NAALADL2: variants seen among roughly 807,000 people sequenced by gnomAD.
NAALADL2 encodes inactive N-acetylated-alpha-linked acidic dipeptidase-like protein 2.
NAALADL2 carries 76 observed loss-of-function variants against 87.2 expected under a neutral mutation model. That is an observed-to-expected ratio of 0.87 (90% CI 0.72 to 1.05). The LOEUF is 1.05. NAALADL2 is among the 50% of genes least tolerant of loss of function. The pLI is 0.00. For missense variants in NAALADL2, 1,089 were observed against 945.8 expected (o/e 1.15, Z -1.99); for synonymous variants, 354 against 331.0 (o/e 1.07, Z -0.75).
At chr3:175,159,109 C>A (rs149950990) in intron 2 of NAALADL2, among the ~76,000 whole-genome samples, 2 of 151,924 alleles carry the variant, frequency 1.3e-5, no homozygotes, top group Admixed American at 6.6e-5. Context: ...AAATTCAGAT[C>A]GATTCTTTTA....
chr3:175,566,740 GTTCATC>G (rs1273150806), intron 9 of NAALADL2, among the ~76,000 whole-genome samples: 1 of 151,898 alleles, frequency 6.6e-6, no homozygotes, highest in African/African-American at 2.4e-5. Context: ...GGTAATATCA[GTTCATC>G]TTCATTAATT....
chr3:175,700,471 A>C lies in NAALADL2; in HGVS notation c.1897-36835A>C, dbSNP rs140775495. On this transcript the variant is annotated intron_variant, in intron 11 of 13. Coordinates refer to ENST00000454872, the MANE Select transcript of NAALADL2 (RefSeq NM_207015.3). The stretch of plus-strand genomic sequence containing the variant: ...AGAGTTACCAAAGCTGTTCTGACAA[A>C]GGTAACTGCCTTTTCTGAAATGGAA... 1.5e-3 allele frequency among the ~76,000 whole-genome samples: 223 copies of C among 152,304 alleles called. 7 individuals are homozygous for C. The East Asian group carries it at 0.037, about 25-fold the overall frequency.
rs541374227 is a variant in NAALADL2, at chr3:175,755,078, G to A, written c.1991-142G>A. 8.0e-4 allele frequency: 501 copies of A among 625,244 alleles called. 2 individuals carry two copies. The African/African-American group carries it at 8.7e-3, about 11-fold the overall frequency. 38.7% of individuals were successfully genotyped at this position (625,244 alleles called of 1,614,324 possible). A position where few individuals can be genotyped will look rare whatever the true frequency, so the allele number is the denominator to read the frequency against. ...GCTTTTGTCAAGTGACAAAAAAAAAGAGAGAGAGAACTGTCAATGACAATT... is the reference window on the plus strand; with the variant it reads ...GCTTTTGTCAAGTGACAAAAAAAAAAAGAGAGAGAACTGTCAATGACAATT... On this transcript the variant is annotated intron_variant, in intron 12 of 13. Coordinates refer to ENST00000454872, the MANE Select transcript of NAALADL2 (RefSeq NM_207015.3).
At chr3:174,595,196 C>T in intron 2 of NAALADL2, among the ~76,000 whole-genome samples, 1 of 152,138 alleles carries the variant, frequency 6.6e-6, no homozygotes, top group East Asian at 1.9e-4. Context: ...GGGTGCCACT[C>T]CTTCCAGCCA....
At chr3:174,466,785 G>C (rs889686756) in intron 1 of NAALADL2, among the ~76,000 whole-genome samples, 1 of 152,124 alleles carries the variant, frequency 6.6e-6, no homozygotes, top group Non-Finnish European at 1.5e-5. Context: ...CTTCGGGTTG[G>C]AGGGGTTTAT....
intron 11 of NAALADL2, among the ~76,000 whole-genome samples, chr3:175,729,906 G>T (rs5017489): frequency 0.24 from 36,328 of 151,220 alleles, 4,568 homozygotes; most frequent in Middle Eastern, 0.33. Context: ...TTTAACTGAG[G>T]ACATTTAAAA....
intron 3 of NAALADL2, among the ~76,000 whole-genome samples, chr3:174,848,150 T>C (rs1724851389): frequency 6.6e-6 from 1 of 152,164 alleles, no homozygotes; most frequent in East Asian, 1.9e-4. Flanking sequence ...GTTGTGTAAT[T>C]CAATGTATTT....
At chr3:175,247,463 A>G (rs1013363926) in intron 3 of NAALADL2, among the ~76,000 whole-genome samples, 1 of 152,166 alleles carries the variant, frequency 6.6e-6, no homozygotes, top group East Asian at 1.9e-4. Context: ...ATTTGAAAGA[A>G]GACCTGAAAA....
At chr3:175,381,702 A>C (rs958972552) in intron 5 of NAALADL2, among the ~76,000 whole-genome samples, 27 of 152,166 alleles carry the variant, frequency 1.8e-4, no homozygotes, top group African/African-American at 6.5e-4. Flanking sequence ...TTATATGGTT[A>C]AATTTTTTGT....
intron 13 of NAALADL2, among the ~76,000 whole-genome samples, chr3:175,793,766 G>A (rs1217583397): frequency 1.3e-5 from 2 of 151,908 alleles, no homozygotes; most frequent in East Asian, 1.9e-4. Flanking sequence ...TATTCATCAC[G>A]TTTGGCTTCC....
chr3:174,856,026 A>C (rs75197787), upstream of NAALADL2, among the ~76,000 whole-genome samples: 3,799 of 150,896 alleles, frequency 0.025, 147 homozygotes, highest in African/African-American at 0.077. Flanking sequence ...TAAGAGAGAG[A>C]GACAGGTTCT....
chr3:175,571,191 T>G (rs9858834), intron 9 of NAALADL2, among the ~76,000 whole-genome samples: 28,056 of 152,144 alleles, frequency 0.18, 2,969 homozygotes, highest in African/African-American at 0.28. Flanking sequence ...TTGCCTTTCA[T>G]CTTAAAACTG....
chr3:175,171,528 T>A (rs1041964266), intron 2 of NAALADL2, among the ~76,000 whole-genome samples: 3 of 152,110 alleles, frequency 2.0e-5, no homozygotes, highest in Non-Finnish European at 2.9e-5. Flanking sequence ...ACATTGGTAG[T>A]ATGAAAAGTT....
chr3:174,539,484 T>C (rs1358287281), intron 1 of NAALADL2, among the ~76,000 whole-genome samples: 1 of 152,196 alleles, frequency 6.6e-6, no homozygotes. Context: ...CCAGTGTGGA[T>C]TCTGTCTTTC....
chr3:175,600,522 AGTCTTTTTTTT>A, intron 10 of NAALADL2, among the ~76,000 whole-genome samples: 1 of 73,398 alleles, frequency 1.4e-5, no homozygotes, highest in African/African-American at 4.1e-5. Context: ...AATGTGTCTT[AGTCTTTTTTTT>A]TTTTTTTTTT....
intron 2 of NAALADL2, among the ~76,000 whole-genome samples, chr3:174,731,982 AATAC>A (rs1732745541): frequency 6.6e-6 from 1 of 152,138 alleles, no homozygotes; most frequent in African/African-American, 2.4e-5. Context: ...CACCATAAAC[AATAC>A]ATAAATGAAT....
chr3:175,743,330 G>A (rs535407922), intron 12 of NAALADL2, among the ~76,000 whole-genome samples: 1 of 152,254 alleles, frequency 6.6e-6, no homozygotes, highest in South Asian at 2.1e-4. Context: ...AGGCTTCAGG[G>A]GAGAGGGCCA....
intron 2 of NAALADL2, among the ~76,000 whole-genome samples, chr3:175,221,444 A>T (rs1312574928): frequency 6.6e-6 from 1 of 152,038 alleles, no homozygotes; most frequent in African/African-American, 2.4e-5. Context: ...TGCACTTATA[A>T]AGTTATTGGG....
intron 11 of NAALADL2, chr3:175,718,493 A>G: frequency 6.3e-7 from 1 of 1,588,370 alleles, no homozygotes; most frequent in African/African-American, 1.3e-5. Context: ...GTTTTCATAA[A>G]TTGTTCTTGG....
Sources: gnomAD v4.1 joint callset for allele counts (sites outside exome capture counted in the v4.1 genomes callset) on GRCh38, gnomAD v4.1.1 for gene constraint, MANE v1.5 for transcripts, NCBI Gene and HGNC (gene_info 2026-07-23, HGNC 2026-07-21) for gene names.